Variants in MARCHF5 observed in about 807,000 individuals in gnomAD.
MARCHF5 encodes membrane associated ring-CH-type finger 5.
In MARCHF5, 5 loss-of-function variants were observed where a neutral mutation model predicts 36.5. The ratio of observed to expected loss-of-function variants is 0.14; its 90% CI spans 0.07 to 0.29. The LOEUF (loss-of-function observed/expected upper bound fraction) is 0.29, where lower values mean the gene tolerates loss of function less well. MARCHF5 is among the 10% of genes least tolerant of loss of function. The pLI is 1.00. For synonymous variants in MARCHF5, 103 were observed against 109.9 expected (o/e 0.94, Z 0.39); for missense variants, 179 against 336.3 (o/e 0.53, Z 3.66).
intron 1 of MARCHF5, among the ~76,000 whole-genome samples, chr10:92,298,122 T>A (rs1842969471): frequency 6.6e-6 from 1 of 152,196 alleles, no homozygotes; most frequent in African/African-American, 2.4e-5. Flanking sequence ...CGCTTGAACC[T>A]GGGAGGCAAA....
At chr10:92,337,093 G>A (rs1009593712) in intron 2 of MARCHF5, among the ~76,000 whole-genome samples, 2 of 149,772 alleles carry the variant, frequency 1.3e-5, no homozygotes, top group Admixed American at 6.7e-5. Context: ...TTGCACTTCC[G>A]CCTGGGTGAC....
intron 1 of MARCHF5, among the ~76,000 whole-genome samples, chr10:92,297,166 C>CTTTT (rs767761093): frequency 7.3e-6 from 1 of 137,870 alleles, no homozygotes; most frequent in Non-Finnish European, 1.6e-5. Context: ...TAATAGACTA[C>CTTTT]TTTTTTTTTT....
At chr10:92,314,751 C>CAA in intron 2 of MARCHF5, among the ~76,000 whole-genome samples, 1 of 136,758 alleles carries the variant, frequency 7.3e-6, no homozygotes, top group Non-Finnish European at 1.5e-5. Context: ...TCCCCCCGCC[C>CAA]CCCCCCGCCA....
intron 1 of MARCHF5, among the ~76,000 whole-genome samples, chr10:92,293,693 A>G (rs1025159597): frequency 6.6e-6 from 1 of 151,774 alleles, no homozygotes; most frequent in Admixed American, 6.6e-5. Context: ...GAGGCATGAG[A>G]ATTGCTTGAA....
intron 2 of MARCHF5, among the ~76,000 whole-genome samples, chr10:92,331,596 T>C (rs1843436641): frequency 6.6e-6 from 1 of 152,116 alleles, no homozygotes; most frequent in African/African-American, 2.4e-5. Context: ...GTGTTAAATA[T>C]AATTTACATT....
chr10:92,306,610 AT>A (rs1470325593), intron 1 of MARCHF5, among the ~76,000 whole-genome samples: 1 of 152,330 alleles, frequency 6.6e-6, no homozygotes, highest in East Asian at 1.9e-4. Flanking sequence ...GGGGTAGAGA[AT>A]TGGGGAATAA....
rs1238959233 is a variant in MARCHF5 at position 92,340,752 on chromosome 10, C to G, written c.318C>G (p.Val106=). ...CATTTGCTGCAGCAGGAATAATGGT[C>G]GGCTCTATCTATTGGACAGCTGTGA... ...ACPFAAAGIM[V]GSIYWTAVTY... is the part of the protein sequence containing the mutation. The change falls in exon 3 of 6, where the codon GTC becomes GTG. Residue 106 remains valine, a synonymous_variant. Coordinates refer to ENST00000358935, the MANE Select transcript of MARCHF5 (RefSeq NM_017824.5). 5 of 1,613,552 alleles carry G rather than the reference C, an allele frequency of 3.1e-6. No individual in the cohort carries two copies. The African/African-American group carries it at 6.7e-5, about 22-fold the overall frequency.
chr10:92,348,816 T>C (rs1843685812), intron 3 of MARCHF5, among the ~76,000 whole-genome samples: 1 of 152,040 alleles, frequency 6.6e-6, no homozygotes, highest in South Asian at 2.1e-4. Flanking sequence ...GTCTGTAGGG[T>C]AGACACTTAG....
intron 1 of MARCHF5, among the ~76,000 whole-genome samples, chr10:92,307,161 A>G (rs1054050208): frequency 1.3e-5 from 2 of 150,086 alleles, no homozygotes; most frequent in Non-Finnish European, 3.0e-5. Flanking sequence ...TCATAAAATA[A>G]GGAAAGAAAA....
chr10:92,295,598 C>T (rs1032996876), intron 1 of MARCHF5, among the ~76,000 whole-genome samples: 9 of 151,094 alleles, frequency 6.0e-5, no homozygotes, highest in African/African-American at 2.2e-4. Flanking sequence ...TTAGTAGAGA[C>T]GGGGTTTCAC....
At chr10:92,327,738 C>T (rs1046167792) in intron 2 of MARCHF5, among the ~76,000 whole-genome samples, 1 of 152,128 alleles carries the variant, frequency 6.6e-6, no homozygotes, top group Non-Finnish European at 1.5e-5. Context: ...GCAGAATGCT[C>T]ACTCAGGTAT....
chr10:92,313,475 G>C (rs986383227), intron 2 of MARCHF5, among the ~76,000 whole-genome samples: 3 of 151,310 alleles, frequency 2.0e-5, no homozygotes, highest in African/African-American at 7.3e-5. Flanking sequence ...CTTGGTGGCA[G>C]GTGCCTCTAG....
At chr10:92,322,181 T>C (rs1265385632) in intron 2 of MARCHF5, among the ~76,000 whole-genome samples, 1 of 134,850 alleles carries the variant, frequency 7.4e-6, no homozygotes, top group Non-Finnish European at 1.5e-5. Flanking sequence ...GAGGCGAAGG[T>C]TTCAGTGAGC....
At chr10:92,304,963 C>T (rs1250781243) in intron 1 of MARCHF5, among the ~76,000 whole-genome samples, 1 of 152,180 alleles carries the variant, frequency 6.6e-6, no homozygotes, top group African/African-American at 2.4e-5. Flanking sequence ...CCTGAATTCG[C>T]ATTATCTTTT....
chr10:92,321,399 T>C (rs1843287277), intron 2 of MARCHF5, among the ~76,000 whole-genome samples: 3 of 152,266 alleles, frequency 2.0e-5, no homozygotes, highest in South Asian at 4.1e-4. Flanking sequence ...TCTAATAATA[T>C]GGCATATTGG....
chr10:92,325,875 C>T lies in MARCHF5; in HGVS notation c.238+14538C>T, dbSNP rs151087934. 2.0e-4 allele frequency among the ~76,000 whole-genome samples: 30 copies of T among 152,272 alleles called. No homozygotes were observed. In the East Asian group the frequency reaches 4.2e-3, roughly 22 times the overall value. ...TGTATTTTGAATAGAGATGAGGTTT[C>T]ACCATGTTGGCCAGGCTGGTCTCAA... On this transcript the variant is annotated intron_variant, in intron 2 of 5. Coordinates refer to ENST00000358935, the MANE Select transcript of MARCHF5 (RefSeq NM_017824.5).
At chr10:92,337,284 G>A (rs1843514276) in intron 2 of MARCHF5, among the ~76,000 whole-genome samples, 1 of 152,116 alleles carries the variant, frequency 6.6e-6, no homozygotes, top group African/African-American at 2.4e-5. Context: ...GGGAGGCTGA[G>A]GTGGGCGGAT....
chr10:92,304,952 T>C (rs1189837402), intron 1 of MARCHF5, among the ~76,000 whole-genome samples: 1 of 152,204 alleles, frequency 6.6e-6, no homozygotes, highest in African/African-American at 2.4e-5. Flanking sequence ...AGCTAGAATA[T>C]CCTGAATTCG....
intron 2 of MARCHF5, among the ~76,000 whole-genome samples, chr10:92,324,975 A>T (rs1323375363): frequency 6.6e-6 from 1 of 152,122 alleles, no homozygotes; most frequent in African/African-American, 2.4e-5. Flanking sequence ...AGTAGTCTAT[A>T]AATGTCTAGT....
Sources: allele counts gnomAD v4.1 joint callset (sites outside exome capture counted in the v4.1 genomes callset), GRCh38; gene constraint gnomAD v4.1.1; transcripts MANE v1.5; gene names NCBI Gene and HGNC (gene_info 2026-07-23, HGNC 2026-07-21).